DTWD2: variants seen among roughly 807,000 people sequenced by gnomAD.
DTWD2 encodes the protein tRNA-uridine aminocarboxypropyltransferase 2.
DTWD2 carries 39 observed loss-of-function variants against 31.8 expected under a neutral mutation model. That is an observed-to-expected ratio of 1.22 (90% CI 0.95 to 1.60). The LOEUF is 1.60. DTWD2 is among the 40% of genes most tolerant of loss of function. The pLI is 0.00. For missense variants in DTWD2, 515 were observed against 381.5 expected (o/e 1.35, Z -2.92); for synonymous variants, 180 against 142.8 (o/e 1.26, Z -1.86).
chr5:118,854,569 A>G (rs1752087809), intron 4 of DTWD2, among the ~76,000 whole-genome samples: 1 of 152,158 alleles, frequency 6.6e-6, no homozygotes, highest in African/African-American at 2.4e-5. Context: ...ATATAGTCAT[A>G]TAAGAAAAGT....
At chr5:118,875,565 A>G (rs1752602414) in intron 4 of DTWD2, among the ~76,000 whole-genome samples, 1 of 82,412 alleles carries the variant, frequency 1.2e-5, no homozygotes, top group Non-Finnish European at 2.2e-5. Context: ...TAGTTTCTGA[A>G]AAAAAAAAAA....
chr5:118,953,329 C>G (rs1337503472), intron 1 of DTWD2, among the ~76,000 whole-genome samples: 4 of 152,166 alleles, frequency 2.6e-5, no homozygotes, highest in Non-Finnish European at 5.9e-5. Context: ...CTTACCCATT[C>G]CTGTCTACAT....
chr5:118,934,990 A>T (rs1290959913), intron 3 of DTWD2, among the ~76,000 whole-genome samples: 1 of 152,154 alleles, frequency 6.6e-6, no homozygotes, highest in Non-Finnish European at 1.5e-5. Context: ...GTATGCTAAT[A>T]TTGACTGACA....
In DTWD2 at chr5:118,944,399, T is replaced by C. The variant is rs1002621799; in HGVS notation, c.309+160A>G. 5.3e-5 allele frequency among the ~76,000 whole-genome samples: 8 copies of C among 152,228 alleles called. No homozygotes were observed. In the East Asian group the frequency reaches 1.5e-3, roughly 29 times the overall value. Reference sequence around the variant, plus strand: ...GAGCATAAGACTCTATACTATCAGTTGAAATTAAAAAGAAACTATTTTTTC... The same window carrying C: ...GAGCATAAGACTCTATACTATCAGTCGAAATTAAAAAGAAACTATTTTTTC... On this transcript the variant is annotated intron_variant, in intron 2 of 5. Coordinates refer to ENST00000510708, the MANE Select transcript of DTWD2 (RefSeq NM_173666.4).
chr5:118,939,111 A>C, intron 3 of DTWD2, 85 bp downstream of exon 3: 7 of 1,320,974 alleles, frequency 5.3e-6, no homozygotes, highest in Non-Finnish European at 7.1e-6. Flanking sequence ...ACCATGAATA[A>C]GCTGAAAGAA....
At chr5:118,890,254 C>T (rs1580789319) in intron 4 of DTWD2, among the ~76,000 whole-genome samples, 2 of 152,158 alleles carry the variant, frequency 1.3e-5, no homozygotes, top group East Asian at 3.9e-4. Flanking sequence ...AGCATTAAGT[C>T]ATATTGTTTG....
intron 1 of DTWD2, among the ~76,000 whole-genome samples, chr5:118,956,531 T>C (rs1461806929): frequency 6.6e-6 from 1 of 152,214 alleles, no homozygotes; most frequent in African/African-American, 2.4e-5. Flanking sequence ...TAAAATTATA[T>C]CTGACATATG....
At position 118,948,412 on chromosome 5, in the gene DTWD2, C is replaced by T. The variant is rs980935215; in HGVS notation, c.219-3763G>A. Among the ~76,000 whole-genome samples, 48 of 152,074 alleles carry T rather than the reference C, an allele frequency of 3.2e-4. 1 individual carries two copies. Among genetic ancestry groups the T allele is most frequent in the Non-Finnish European group, 3.5e-4 (24 of 67,980 alleles). ...CAGGGAATGGCATGAACCCGGGAGG[C>T]GGAGCTTGCAGTGAGCCGAGATCAT... On this transcript the variant is annotated intron_variant, in intron 1 of 5. Coordinates refer to ENST00000510708, the MANE Select transcript of DTWD2 (RefSeq NM_173666.4).
intron 1 of DTWD2, among the ~76,000 whole-genome samples, chr5:118,945,604 A>C (rs1159299856): frequency 6.6e-6 from 1 of 152,030 alleles, no homozygotes; most frequent in African/African-American, 2.4e-5. Context: ...AACTCTAATA[A>C]AAATGCAAAA....
chr5:118,937,463 G>C (rs1754070438), intron 3 of DTWD2, among the ~76,000 whole-genome samples: 1 of 151,386 alleles, frequency 6.6e-6, no homozygotes. Flanking sequence ...TTTTAGGCCT[G>C]ACGTAAGTTA....
chr5:118,877,766 CATG>C (rs1039447956), intron 4 of DTWD2, among the ~76,000 whole-genome samples: 52 of 152,192 alleles, frequency 3.4e-4, no homozygotes, highest in African/African-American at 1.1e-3. Context: ...TTGTAAACAA[CATG>C]ATAACATGAT....
intron 4 of DTWD2, among the ~76,000 whole-genome samples, chr5:118,877,605 G>A (rs1752650712): frequency 1.3e-5 from 2 of 152,152 alleles, no homozygotes; most frequent in African/African-American, 4.8e-5. Context: ...AAAGAGGGAA[G>A]TATACCCCTT....
At chr5:118,914,828 A>T (rs1162732878) in intron 4 of DTWD2, among the ~76,000 whole-genome samples, 1 of 152,242 alleles carries the variant, frequency 6.6e-6, no homozygotes, top group African/African-American at 2.4e-5. Flanking sequence ...TAAATTATGA[A>T]ATCAAAGGAG....
intron 4 of DTWD2, among the ~76,000 whole-genome samples, chr5:118,883,984 TAGAC>T (rs1451711281): frequency 1.3e-5 from 2 of 152,204 alleles, no homozygotes; most frequent in East Asian, 1.9e-4. Flanking sequence ...AGTTCAAAAT[TAGAC>T]AGCAGATTTT....
chr5:118,885,395 C>T (rs1183583618), intron 4 of DTWD2, among the ~76,000 whole-genome samples: 4 of 139,332 alleles, frequency 2.9e-5, no homozygotes, highest in African/African-American at 1.1e-4. Context: ...GAGGTAGCAG[C>T]GAGCCGAGAT....
At chr5:118,922,663 A>G (rs1652009371) in intron 4 of DTWD2, among the ~76,000 whole-genome samples, 1 of 152,234 alleles carries the variant, frequency 6.6e-6, no homozygotes, top group South Asian at 2.1e-4. Context: ...CACCTTGAGT[A>G]AACAAAAAAA....
intron 4 of DTWD2, among the ~76,000 whole-genome samples, chr5:118,912,508 T>C: frequency 6.6e-6 from 1 of 152,258 alleles, no homozygotes; most frequent in East Asian, 1.9e-4. Flanking sequence ...CCGGTCTTCA[T>C]TCAGTTCCTC....
chr5:118,903,493 C>G lies in DTWD2; in HGVS notation c.597+25044G>C, dbSNP rs532527509. On this transcript the variant is annotated intron_variant, in intron 4 of 5. Transcript: ENST00000510708. The stretch of plus-strand genomic sequence containing the variant: ...TCAGTGTTAAAGGGTTGAAAATATT[C>G]CAATTGCACACAGTGAAAATTAAAT... 1.8e-4 allele frequency among the ~76,000 whole-genome samples: 28 copies of G among 152,060 alleles called. No individual in the cohort carries two copies. The East Asian group carries it at 5.0e-3, about 27-fold the overall frequency.
chr5:118,908,929 G>C (rs1192206141), intron 4 of DTWD2, among the ~76,000 whole-genome samples: 1 of 152,132 alleles, frequency 6.6e-6, no homozygotes, highest in African/African-American at 2.4e-5. Flanking sequence ...AGGAGTTAAG[G>C]AGCTGCAGCA....
Sources: allele counts gnomAD v4.1 joint callset (sites outside exome capture counted in the v4.1 genomes callset), GRCh38; gene constraint gnomAD v4.1.1; transcripts MANE v1.5; gene names NCBI Gene and HGNC (gene_info 2026-07-23, HGNC 2026-07-21).